TMEM132B: variants seen among roughly 807,000 people sequenced by gnomAD.
TMEM132B encodes the protein transmembrane protein 132B.
In TMEM132B, 18 loss-of-function variants were observed where a neutral mutation model predicts 90.8. The ratio of observed to expected loss-of-function variants is 0.20; its 90% CI spans 0.14 to 0.29. The LOEUF is 0.29. Ranked by LOEUF, TMEM132B falls within the 10% of genes least tolerant of loss-of-function variation. TMEM132B has a pLI of 1.00. For synonymous variants in TMEM132B, 504 were observed against 523.3 expected (o/e 0.96, Z 0.50); for missense variants, 1,096 against 1,326.8 (o/e 0.83, Z 2.70).
intron 4 of TMEM132B, among the ~76,000 whole-genome samples, chr12:125,565,390 G>A (rs115907657): frequency 4.6e-5 from 7 of 152,364 alleles, no homozygotes; most frequent in African/African-American, 1.4e-4. Flanking sequence ...GCATCCAGGG[G>A]TGGGACCTGT....
At position 125,332,727 on chromosome 12, in the gene TMEM132B, C is replaced by T. The variant is rs77534128; in HGVS notation, c.68-16725C>T. ...CGTCTGAGGTCATGCTGTTTAAACACGCTAAAAACTCGTCTTACAGATTCA... is the reference window on the plus strand; with the variant it reads ...CGTCTGAGGTCATGCTGTTTAAACATGCTAAAAACTCGTCTTACAGATTCA... On this transcript the variant is annotated intron_variant, in intron 1 of 8. Coordinates refer to ENST00000682704, the MANE Select transcript of TMEM132B (RefSeq NM_001366854.1). 0.01 allele frequency among the ~76,000 whole-genome samples: 1,571 copies of T among 151,100 alleles called. 115 individuals are homozygous for T. In the East Asian group the frequency reaches 0.2, roughly 19 times the overall value.
At chr12:125,645,752 T>G (rs1451521803) in intron 6 of TMEM132B, among the ~76,000 whole-genome samples, 2 of 152,182 alleles carry the variant, frequency 1.3e-5, no homozygotes, top group Admixed American at 6.5e-5. Flanking sequence ...CTTGCAGAAC[T>G]GTGAGTGTGT....
At chr12:125,484,357 T>A (rs1382480655) in intron 3 of TMEM132B, among the ~76,000 whole-genome samples, 3 of 152,092 alleles carry the variant, frequency 2.0e-5, no homozygotes, top group Non-Finnish European at 2.9e-5. Context: ...GCTCCTTGAT[T>A]TCCTTCTAGG....
At chr12:125,616,326 T>C (rs969862321) in intron 5 of TMEM132B, among the ~76,000 whole-genome samples, 1 of 152,038 alleles carries the variant, frequency 6.6e-6, no homozygotes, top group African/African-American at 2.4e-5. Flanking sequence ...TTATACCGTC[T>C]CGAGGTTACA....
chr12:125,232,417 A>G (rs1873848385), intron 1 of TMEM132B, among the ~76,000 whole-genome samples: 2 of 152,206 alleles, frequency 1.3e-5, no homozygotes, highest in African/African-American at 4.8e-5. Flanking sequence ...ATCTTCTTGA[A>G]AAAAAATAAT....
chr12:125,245,706 C>T (rs1874191931), intron 1 of TMEM132B, among the ~76,000 whole-genome samples: 1 of 152,186 alleles, frequency 6.6e-6, no homozygotes, highest in Non-Finnish European at 1.5e-5. Flanking sequence ...GGGACTTAGC[C>T]CTGGGAACAG....
At chr12:125,253,288 C>T (rs1426852780) in intron 1 of TMEM132B, among the ~76,000 whole-genome samples, 6 of 152,124 alleles carry the variant, frequency 3.9e-5, no homozygotes, top group African/African-American at 9.7e-5. Context: ...CCAGGCACTG[C>T]GTTAAGTCCA....
At chr12:125,431,719 G>T (rs1880514721) in intron 3 of TMEM132B, among the ~76,000 whole-genome samples, 1 of 152,204 alleles carries the variant, frequency 6.6e-6, no homozygotes, top group East Asian at 1.9e-4. Flanking sequence ...ATTGTCCTTG[G>T]TGCTCCCAGG....
rs148821542 is a variant in TMEM132B at position 125,387,484 on chromosome 12, A to C, written c.960-28047A>C. On this transcript the variant is annotated intron_variant, in intron 2 of 8. Transcript: ENST00000682704. Reference sequence around the variant, plus strand: ...TTCTTGGTCTTTTGTGTGTCCCTACATAGACCAGAAGCCCCACTTCACATG... The same window carrying C: ...TTCTTGGTCTTTTGTGTGTCCCTACCTAGACCAGAAGCCCCACTTCACATG... Among the ~76,000 whole-genome samples the C allele has an allele frequency of 1.3e-3, 202 of 152,360 alleles. 1 individual carries two copies. The highest frequency in any genetic ancestry group is 4.7e-3 in the African/African-American group (194 of 41,586).
intron 3 of TMEM132B, among the ~76,000 whole-genome samples, chr12:125,463,343 A>G (rs1205351704): frequency 6.6e-6 from 1 of 152,194 alleles, no homozygotes; most frequent in Non-Finnish European, 1.5e-5. Context: ...ATAGGGATGG[A>G]TGGCAATGGG....
At chr12:125,432,892 T>C (rs1005038580) in intron 3 of TMEM132B, among the ~76,000 whole-genome samples, 2 of 152,118 alleles carry the variant, frequency 1.3e-5, no homozygotes, top group African/African-American at 4.8e-5. Context: ...CCAAGAGAGT[T>C]CTAGGCTCCA....
chr12:125,234,965 C>T (rs1013099198), intron 1 of TMEM132B, among the ~76,000 whole-genome samples: 4 of 152,186 alleles, frequency 2.6e-5, no homozygotes, highest in African/African-American at 7.2e-5. Context: ...CTCTTTCCAG[C>T]GTACTCTTTG....
At chr12:125,252,946 C>T (rs557120285) in intron 1 of TMEM132B, among the ~76,000 whole-genome samples, 2 of 152,320 alleles carry the variant, frequency 1.3e-5, no homozygotes, top group African/African-American at 2.4e-5. Context: ...TCTAAGAACT[C>T]AAAGGGGTTA....
chr12:125,525,286 A>G (rs1282835889), intron 4 of TMEM132B, among the ~76,000 whole-genome samples: 1 of 152,236 alleles, frequency 6.6e-6, no homozygotes. Flanking sequence ...TGTGGTTTGA[A>G]TGTGTCCTCT....
At chr12:125,226,244 GC>G (rs1389235815) in intron 1 of TMEM132B, among the ~76,000 whole-genome samples, 1 of 152,166 alleles carries the variant, frequency 6.6e-6, no homozygotes, top group African/African-American at 2.4e-5. Flanking sequence ...CAAATAAAGG[GC>G]CCTGAGTGGG....
At chr12:125,217,395 G>A (rs921019183) in intron 1 of TMEM132B, among the ~76,000 whole-genome samples, 4 of 152,168 alleles carry the variant, frequency 2.6e-5, no homozygotes, top group African/African-American at 9.7e-5. Flanking sequence ...GCCTGGGATG[G>A]GGTATAGATG....
In TMEM132B at chr12:125,350,348, G is replaced by T; in HGVS notation, c.959+5G>T. The T allele has an allele frequency of 6.2e-7, 1 of 1,605,896 alleles. No homozygotes were observed. Among genetic ancestry groups the T allele is most frequent in the Non-Finnish European group, 8.5e-7 (1 of 1,176,474 alleles). ...GGCAGACCAGTTCACTCTTAGGTAA[G>T]AGGCTTTGCCAGGTGGGATGGAACA... On this transcript the variant is annotated splice_donor_5th_base_variant and intron_variant, in intron 2 of 8. Transcript: ENST00000682704.
chr12:125,568,032 C>T lies in TMEM132B; in HGVS notation c.1294-15819C>T, dbSNP rs186581392. On this transcript the variant is annotated intron_variant, in intron 4 of 8. Coordinates refer to ENST00000682704, the MANE Select transcript of TMEM132B (RefSeq NM_001366854.1). ...CGTCTGTCTCTCTCCCTGACCCTCTCATTGTGTCTATAACTCTGGCTTTCT... is the reference window on the plus strand; with the variant it reads ...CGTCTGTCTCTCTCCCTGACCCTCTTATTGTGTCTATAACTCTGGCTTTCT... Among the ~76,000 whole-genome samples, 126 of 152,302 alleles carry T rather than the reference C, an allele frequency of 8.3e-4. 4 individuals are homozygous for T. Among genetic ancestry groups the T allele is most frequent in the Admixed American group, 7.8e-3 (120 of 15,304 alleles).
chr12:125,349,348 G>A lies in TMEM132B; in HGVS notation c.68-104G>A. On this transcript the variant is annotated intron_variant, in intron 1 of 8. Coordinates refer to ENST00000682704, the MANE Select transcript of TMEM132B (RefSeq NM_001366854.1). The surrounding 1 kb of genome is among the most constrained non-coding windows in gnomAD (Gnocchi z 4.1). Reference sequence around the variant, plus strand: ...TGATGAGACCTGGGGGAGAAACAGTGGCCAGTGGGCGGTTTGTTGGGGAGG... The same window carrying A: ...TGATGAGACCTGGGGGAGAAACAGTAGCCAGTGGGCGGTTTGTTGGGGAGG... 8.0e-7 allele frequency: 1 copy of A among 1,255,194 alleles called. No homozygotes were observed. The highest frequency in any genetic ancestry group is 1.1e-6 in the Non-Finnish European group (1 of 904,244). 77.8% of individuals were successfully genotyped at this position (1,255,194 alleles called of 1,614,324 possible).
Sources: gnomAD v4.1 joint callset for allele counts (sites outside exome capture counted in the v4.1 genomes callset) on GRCh38, gnomAD v4.1.1 for gene constraint, Gnocchi (gnomAD v3.1) non-coding constraint, MANE v1.5 for transcripts, NCBI Gene and HGNC (gene_info 2026-07-23, HGNC 2026-07-21) for gene names.